Variants in SYNE2 observed in about 807,000 individuals in gnomAD.
SYNE2 encodes spectrin repeat containing nuclear envelope protein 2.
In SYNE2, 431 loss-of-function variants were observed where a neutral mutation model predicts 856.3. That is an observed-to-expected ratio of 0.50 (90% CI 0.47 to 0.55). The LOEUF (loss-of-function observed/expected upper bound fraction) is 0.55. SYNE2 is among the 20% of genes least tolerant of loss of function. The pLI, the probability that SYNE2 is intolerant of heterozygous loss-of-function variation, is 0.00. For missense variants in SYNE2, 8,129 were observed against 8,023.2 expected (o/e 1.01, Z -0.50); for synonymous variants, 2,923 against 2,872.3 (o/e 1.02, Z -0.56).
chr14:64,049,578 G>A (rs2097209948), intron 46 of SYNE2, 33 bp from the exon 47 acceptor site: 3 of 1,609,978 alleles, frequency 1.9e-6, no homozygotes, highest in Admixed American at 1.7e-5. Context: ...ATAAGTGAGT[G>A]TTTATTGACT....
intron 1 of SYNE2, among the ~76,000 whole-genome samples, chr14:63,814,464 TA>T (rs537806678): frequency 1.8e-4 from 7 of 38,098 alleles, no homozygotes; most frequent in African/African-American, 4.0e-4. Context: ...TATCCTTATA[TA>T]TCATATATAA....
At chr14:64,125,932 T>C (rs1371885481) in intron 71 of SYNE2, among the ~76,000 whole-genome samples, 1 of 152,166 alleles carries the variant, frequency 6.6e-6, no homozygotes, top group African/African-American at 2.4e-5. Context: ...TTCTTTTCCT[T>C]CTCCCAGCTA....
At chr14:63,803,058 TTATCTGGCCCC>T (rs1203970310) in intron 1 of SYNE2, among the ~76,000 whole-genome samples, 1 of 152,136 alleles carries the variant, frequency 6.6e-6, no homozygotes, top group African/African-American at 2.4e-5. Flanking sequence ...TTTTATTCTC[TTATCTGGCCCC>T]ACCCACATCC....
intron 85 of SYNE2, 103 bp downstream of exon 85, chr14:64,152,819 C>A: frequency 1.4e-6 from 2 of 1,422,140 alleles, no homozygotes; most frequent in East Asian, 2.3e-5. Flanking sequence ...ACTCTCTATA[C>A]CAAACACTGA....
chr14:63,965,930 A>C (rs147064395), intron 10 of SYNE2, among the ~76,000 whole-genome samples: 1 of 152,330 alleles, frequency 6.6e-6, no homozygotes, highest in African/African-American at 2.4e-5. Flanking sequence ...TGATTTAATA[A>C]TGTATCACAG....
At chr14:64,038,233 C>G (rs1226425656) in intron 45 of SYNE2, among the ~76,000 whole-genome samples, 1 of 152,198 alleles carries the variant, frequency 6.6e-6, no homozygotes, top group African/African-American at 2.4e-5. Flanking sequence ...TCCTCACTTC[C>G]TAGACAGGAT....
chr14:63,853,759 G>T (rs1270135790), intron 1 of SYNE2, among the ~76,000 whole-genome samples: 5 of 151,684 alleles, frequency 3.3e-5, no homozygotes, highest in Non-Finnish European at 7.4e-5. Flanking sequence ...GCGGCGGCGG[G>T]TGCGGCAGCC....
rs572319632 is a variant in SYNE2, at chr14:63,979,710, C to G, written c.1569+696C>G. On this transcript the variant is annotated intron_variant, in intron 14 of 115. Coordinates refer to ENST00000555002, the MANE Select transcript of SYNE2 (RefSeq NM_182914.3). Reference sequence around the variant, plus strand: ...GGTGGATTGCCTGAGGTCAGGAGTTCGAGACATGGCGAAACCCTGTCTCTA... The same window carrying G: ...GGTGGATTGCCTGAGGTCAGGAGTTGGAGACATGGCGAAACCCTGTCTCTA... Among the ~76,000 whole-genome samples, 18 of 152,054 alleles carry G rather than the reference C, an allele frequency of 1.2e-4. 1 individual carries two copies. Among genetic ancestry groups the G allele is most frequent in the African/African-American group, 4.1e-4 (17 of 41,408 alleles).
intron 63 of SYNE2, chr14:64,100,168 A>G (rs1000164726): frequency 6.6e-6 from 1 of 152,058 alleles, no homozygotes; most frequent in African/African-American, 2.4e-5. Flanking sequence ...TGATGAGTTC[A>G]TGTCCTTTGT....
Position 64,051,653 on chromosome 14 carries a change from A to G in SYNE2, c.7740A>G (p.Lys2580=). ...ATTCTTTAGGCAACTTGAAAATCAAATGGGAGAATTTATCAAACCACGTGA... is the reference window on the plus strand; with the variant it reads ...ATTCTTTAGGCAACTTGAAAATCAAGTGGGAGAATTTATCAAACCACGTGA... ...EKDSLGNLKI[K]WENLSNHVTD... is the part of the protein sequence containing the mutation. Residue 2580 remains lysine (K), a synonymous_variant, in exon 48 of 116, where the codon AAA becomes AAG. Coordinates refer to ENST00000555002, the MANE Select transcript of SYNE2 (RefSeq NM_182914.3). The G allele has an allele frequency of 6.2e-7, 1 of 1,614,212 alleles. No individual in the cohort carries two copies.
At chr14:64,225,147 T>C (rs907423894) in intron 115 of SYNE2, 102 bp downstream of exon 115, 16 of 1,559,266 alleles carry the variant, frequency 1.0e-5, no homozygotes, top group South Asian at 6.8e-5. Context: ...AAAATCTGGT[T>C]TTCTTTTGTC....
chr14:64,175,066 A>G lies in SYNE2; in HGVS notation c.17358A>G (p.Gln5786=). Reference sequence around the variant, plus strand: ...AGTCTGTGGGTAGGAGAATCAGTCAACTTCAGGACAGCTGGAAAGACATGG... The same window carrying G: ...AGTCTGTGGGTAGGAGAATCAGTCAGCTTCAGGACAGCTGGAAAGACATGG... The part of the protein sequence containing the change: ...TKESVGRRIS[Q]LQDSWKDMEP... The change falls in exon 95 of 116, where the codon CAA becomes CAG. Residue 5786 remains glutamine (Q), a synonymous_variant. Coordinates refer to ENST00000555002, the MANE Select transcript of SYNE2 (RefSeq NM_182914.3). 3.7e-6 allele frequency: 6 copies of G among 1,614,196 alleles called. No homozygotes were observed. The highest frequency in any genetic ancestry group is 5.1e-6 in the Non-Finnish European group (6 of 1,180,032).
chr14:63,796,947 C>T (rs943550792), intron 1 of SYNE2, among the ~76,000 whole-genome samples: 21 of 151,622 alleles, frequency 1.4e-4, no homozygotes, highest in African/African-American at 4.1e-4. Flanking sequence ...GGTGTGGTGG[C>T]GTGCGCCTCT....
At chr14:63,826,634 A>G (rs1889442248) in intron 1 of SYNE2, among the ~76,000 whole-genome samples, 1 of 152,074 alleles carries the variant, frequency 6.6e-6, no homozygotes, top group African/African-American at 2.4e-5. Context: ...TCCTGGGACA[A>G]CATGATATCC....
At chr14:63,879,054 G>A (rs76357398) in intron 1 of SYNE2, among the ~76,000 whole-genome samples, 5 of 150,660 alleles carry the variant, frequency 3.3e-5, no homozygotes, top group Admixed American at 6.6e-5. Context: ...ACCAAAAAAA[G>A]CTCAGTTGGG....
intron 1 of SYNE2, among the ~76,000 whole-genome samples, chr14:63,903,808 ATTCT>A (rs1419463626): frequency 9.4e-6 from 1 of 106,706 alleles, no homozygotes; most frequent in African/African-American, 3.0e-5. Flanking sequence ...TGAAATGGCC[ATTCT>A]TTTTTTTTTT....
chr14:63,966,596 T>C (rs552435266), intron 10 of SYNE2, among the ~76,000 whole-genome samples: 1 of 151,428 alleles, frequency 6.6e-6, no homozygotes, highest in Non-Finnish European at 1.5e-5. Context: ...TCTCTCTCTT[T>C]CTCCCAGGCT....
In SYNE2 at chr14:63,996,941, A is replaced by C; in HGVS notation, c.2941-6A>C. On this transcript the variant is annotated splice_region_variant and splice_polypyrimidine_tract_variant and intron_variant, in intron 23 of 115. Coordinates refer to ENST00000555002, the MANE Select transcript of SYNE2 (RefSeq NM_182914.3). ...AGCACATTTCCTGCTTTATTTCTTC[A>C]ATTAGGCCTGCTTTTCTGAGGAAGG... is the stretch of plus-strand genomic sequence containing the variant. The C allele has an allele frequency of 6.2e-7, 1 of 1,613,682 alleles. No homozygotes were observed. Among genetic ancestry groups the C allele is most frequent in the Non-Finnish European group, 8.5e-7 (1 of 1,179,814 alleles).
chr14:64,117,086 A>G (rs1004184007), intron 66 of SYNE2, among the ~76,000 whole-genome samples: 1 of 152,160 alleles, frequency 6.6e-6, no homozygotes, highest in Non-Finnish European at 1.5e-5. Flanking sequence ...TGGATGCCTG[A>G]AACCGTGGAT....
Sources: allele counts gnomAD v4.1 joint callset (sites outside exome capture counted in the v4.1 genomes callset), GRCh38; gene constraint gnomAD v4.1.1; transcripts MANE v1.5; gene names NCBI Gene and HGNC (gene_info 2026-07-23, HGNC 2026-07-21).